Variants in FHIP1A observed in about 807,000 individuals in gnomAD.
FHIP1A encodes the protein FHF complex subunit HOOK interacting protein 1A.
A neutral mutation model predicts 88.6 loss-of-function variants in FHIP1A; 61 were observed. That is an observed-to-expected ratio of 0.69 (90% confidence interval 0.56 to 0.85). The LOEUF is 0.85. Among genes scored for constraint, FHIP1A ranks in the 40% least tolerant of loss-of-function variants. The pLI, the probability that FHIP1A is intolerant of heterozygous loss-of-function variation, is 0.00. For synonymous variants in FHIP1A, 478 were observed against 496.0 expected, an observed-to-expected ratio of 0.96 and a Z score of 0.48; for missense variants, 1,154 against 1,273.5, an observed-to-expected ratio of 0.91 and a Z score of 1.43.
In FHIP1A at chr4:151,585,658, C is replaced by T. The variant is rs76047650; in HGVS notation, c.733-983C>T. ...TTCCACAAGGTAAAATCAACAAGCA[C>T]TCAGCATTAAGTATGTAATCTTCCT... On this transcript the variant is annotated intron_variant, in intron 5 of 13. Transcript: ENST00000435205. Among the ~76,000 whole-genome samples, 461 of 152,306 alleles carry T rather than the reference C, an allele frequency of 3.0e-3. 3 individuals carry two copies. Among genetic ancestry groups the T allele is most frequent in the African/African-American group, 0.011 (443 of 41,562 alleles).
At chr4:151,572,666 A>G (rs1733639814) in intron 4 of FHIP1A, among the ~76,000 whole-genome samples, 2 of 152,222 alleles carry the variant, frequency 1.3e-5, no homozygotes, top group African/African-American at 4.8e-5. Context: ...AATATTGCAT[A>G]GTAACTTGTT....
At chr4:151,533,321 G>A (rs539688835) in intron 3 of FHIP1A, among the ~76,000 whole-genome samples, 2 of 152,180 alleles carry the variant, frequency 1.3e-5, no homozygotes, top group South Asian at 2.1e-4. Flanking sequence ...GCACCTAGGC[G>A]GGAGGATTGC....
chr4:151,583,367 A>G (rs1259253765), intron 5 of FHIP1A, among the ~76,000 whole-genome samples: 2 of 152,224 alleles, frequency 1.3e-5, no homozygotes, highest in Admixed American at 6.5e-5. Flanking sequence ...TGTACAGACA[A>G]TGTCCTTCTG....
intron 3 of FHIP1A, among the ~76,000 whole-genome samples, chr4:151,483,727 T>G (rs1729980925): frequency 6.6e-6 from 1 of 152,112 alleles, no homozygotes; most frequent in Admixed American, 6.6e-5. Context: ...TAGCTGTAAT[T>G]TTGTATCCTT....
intron 13 of FHIP1A, among the ~76,000 whole-genome samples, chr4:151,658,190 C>T (rs1430385538): frequency 6.6e-6 from 1 of 152,234 alleles, no homozygotes; most frequent in African/African-American, 2.4e-5. Context: ...ACCTGTGTTC[C>T]TCCTGAACAG....
At chr4:151,472,644 C>T (rs1729564938) in intron 2 of FHIP1A, among the ~76,000 whole-genome samples, 2 of 137,680 alleles carry the variant, frequency 1.5e-5, no homozygotes, top group African/African-American at 2.7e-5. Context: ...TTTTTTGTAG[C>T]AACTACTTCA....
chr4:151,554,178 G>T lies in FHIP1A; in HGVS notation c.-122-11960G>T, dbSNP rs111950834. Among the ~76,000 whole-genome samples the T allele has an allele frequency of 2.9e-3, 436 of 152,296 alleles. 2 individuals are homozygous for T. Among genetic ancestry groups the T allele is most frequent in the African/African-American group, 0.01 (423 of 41,578 alleles). On this transcript the variant is annotated intron_variant, in intron 3 of 13. Transcript: ENST00000435205. ...TGACGCCCTACCTCAGTGGGTGGTT[G>T]TAAGAATTGAATAGACAATTTAGTG...
At chr4:151,517,141 T>G (rs1731270290) in intron 3 of FHIP1A, among the ~76,000 whole-genome samples, 1 of 152,204 alleles carries the variant, frequency 6.6e-6, no homozygotes, top group Non-Finnish European at 1.5e-5. Context: ...GATGAGTTCG[T>G]GTCCTTTGTA....
In FHIP1A at chr4:151,588,908, G is replaced by T; in HGVS notation, c.960G>T (p.Leu320Phe). 6.5e-7 allele frequency: 1 copy of T among 1,549,874 alleles called. No homozygotes were observed. Among genetic ancestry groups the T allele is most frequent in the Non-Finnish European group, 8.7e-7 (1 of 1,145,470 alleles). The change falls in exon 7 of 14, where the codon TTG becomes TTT. Residue 320 changes from leucine (L) to phenylalanine (F), a missense_variant. Coordinates refer to ENST00000435205, the MANE Select transcript of FHIP1A (RefSeq NM_001109977.3). ...YIYNGFLVPV[L>F]APALHKVTVE... is the part of the protein sequence containing the mutation. ...ACAATGGATTTTTGGTACCAGTCTT[G>T]GCTCCTGCTCTCCATAAGGTCAGTG...
At chr4:151,516,737 C>G (rs1227423907) in intron 3 of FHIP1A, among the ~76,000 whole-genome samples, 1 of 152,084 alleles carries the variant, frequency 6.6e-6, no homozygotes, top group Non-Finnish European at 1.5e-5. Flanking sequence ...AAATGCAAAT[C>G]AAAACCACAA....
At chr4:151,652,783 A>C (rs1179066995) in intron 11 of FHIP1A, among the ~76,000 whole-genome samples, 1 of 152,204 alleles carries the variant, frequency 6.6e-6, no homozygotes, top group Admixed American at 6.5e-5. Context: ...AGGAGACTGA[A>C]GAGCCTGCCA....
At chr4:151,557,670 G>A (rs182891861) in intron 3 of FHIP1A, among the ~76,000 whole-genome samples, 3 of 152,270 alleles carry the variant, frequency 2.0e-5, no homozygotes, top group East Asian at 3.9e-4. Context: ...GAGGGGTGGC[G>A]GCCATCCAGT....
chr4:151,532,045 G>A (rs1316082062), intron 3 of FHIP1A, among the ~76,000 whole-genome samples: 1 of 152,166 alleles, frequency 6.6e-6, no homozygotes, highest in Non-Finnish European at 1.5e-5. Context: ...ACGTGGCATC[G>A]CATATTTCAA....
rs1737765966 is a variant in FHIP1A at position 151,669,044 on chromosome 4, CGCACACTCATGCAA to C, written c.*6292_*6305del. 6.6e-6 allele frequency among the ~76,000 whole-genome samples: 1 copy of C among 152,240 alleles called. No homozygotes were observed. Among genetic ancestry groups the C allele is most frequent in the South Asian group, 2.1e-4 (1 of 4,830 alleles). On this transcript the variant is annotated 3_prime_UTR_variant, in exon 14 of 14. Coordinates refer to ENST00000435205, the MANE Select transcript of FHIP1A (RefSeq NM_001109977.3). ...GGGTGAACCAGTAGACCAGACTAAA[CGCACACTCATGCAA>C]GAATGTAAAATTGTATTTCACTGAG...
chr4:151,414,751 A>T (rs1448035599), intron 1 of FHIP1A, among the ~76,000 whole-genome samples: 2 of 152,216 alleles, frequency 1.3e-5, no homozygotes, highest in African/African-American at 4.8e-5. Flanking sequence ...TAGAGCTATT[A>T]TAAAAAGTTA....
At chr4:151,430,750 T>C (rs773920733) in intron 1 of FHIP1A, among the ~76,000 whole-genome samples, 24 of 152,362 alleles carry the variant, frequency 1.6e-4, no homozygotes, top group Non-Finnish European at 3.2e-4. Context: ...CTCAGGACTA[T>C]ACTTTTCACT....
intron 3 of FHIP1A, among the ~76,000 whole-genome samples, chr4:151,539,638 C>T (rs1224106364): frequency 2.0e-5 from 3 of 150,926 alleles, no homozygotes; most frequent in Non-Finnish European, 4.4e-5. Flanking sequence ...TTTACCAGTG[C>T]TTTCCATTCT....
At chr4:151,533,439 C>CAAACAAAA (rs1553950660) in intron 3 of FHIP1A, among the ~76,000 whole-genome samples, 2 of 146,028 alleles carry the variant, frequency 1.4e-5, no homozygotes, top group African/African-American at 5.0e-5. Context: ...AACAAACAAA[C>CAAACAAAA]AAAAAAAGGA....
chr4:151,466,382 A>G (rs900180282), intron 2 of FHIP1A, among the ~76,000 whole-genome samples: 21 of 152,244 alleles, frequency 1.4e-4, no homozygotes, highest in Non-Finnish European at 2.6e-4. Flanking sequence ...GGAAGAATCA[A>G]TATCATGAAA....
Sources: gnomAD v4.1 joint callset for allele counts (sites outside exome capture counted in the v4.1 genomes callset) on GRCh38, gnomAD v4.1.1 for gene constraint, MANE v1.5 for transcripts, NCBI Gene and HGNC (gene_info 2026-07-23, HGNC 2026-07-21) for gene names.